Variants in GRID2 observed in about 807,000 individuals in gnomAD.
GRID2 encodes the protein glutamate receptor ionotropic, delta-2.
A neutral mutation model predicts 114.8 loss-of-function variants in GRID2; 33 were observed. The observed-to-expected ratio is 0.29, with a 90% CI of 0.22 to 0.38. GRID2 has a LOEUF of 0.38. GRID2 is among the 10% of genes least tolerant of loss of function. The pLI, the probability that GRID2 is intolerant of heterozygous loss-of-function variation, is 1.00. For synonymous variants in GRID2, 505 were observed against 449.9 expected (o/e 1.12, Z -1.55); for missense variants, 1,184 against 1,257.7 (o/e 0.94, Z 0.89).
At chr4:93,063,955 G>A (rs1369244240) in intron 2 of GRID2, among the ~76,000 whole-genome samples, 3 of 150,934 alleles carry the variant, frequency 2.0e-5, no homozygotes, top group Non-Finnish European at 4.4e-5. Flanking sequence ...TTTTCTCAAT[G>A]TCCCACAATA....
chr4:93,046,146 A>C (rs1726113514), intron 2 of GRID2, among the ~76,000 whole-genome samples: 2 of 152,120 alleles, frequency 1.3e-5, no homozygotes. Context: ...CAGGAACTTT[A>C]TATCCATAAA....
chr4:92,629,298 T>C (rs1406315168), intron 2 of GRID2, among the ~76,000 whole-genome samples: 2 of 152,054 alleles, frequency 1.3e-5, no homozygotes, highest in Non-Finnish European at 2.9e-5. Context: ...CTTAATAAGG[T>C]CTATTATTTT....
rs897951085 is a variant in GRID2 at position 93,251,373 on chromosome 4, T to C, written c.1245+12883T>C. 3.5e-4 allele frequency among the ~76,000 whole-genome samples: 53 copies of C among 152,252 alleles called. No homozygotes were observed. In the South Asian group the frequency reaches 4.6e-3, roughly 13 times the overall value. Reference sequence around the variant, plus strand: ...ATTTTTGAAGCTCTATTTTTTTAAATGGCAAAAATTGATTTATTTCCAGAT... The same window carrying C: ...ATTTTTGAAGCTCTATTTTTTTAAACGGCAAAAATTGATTTATTTCCAGAT... On this transcript the variant is annotated intron_variant, in intron 8 of 15. Coordinates refer to ENST00000282020, the MANE Select transcript of GRID2 (RefSeq NM_001510.4).
chr4:92,836,282 A>G (rs1742454262), intron 2 of GRID2, among the ~76,000 whole-genome samples: 1 of 152,132 alleles, frequency 6.6e-6, no homozygotes, highest in Non-Finnish European at 1.5e-5. Flanking sequence ...GCACAGTGGA[A>G]ACTAAAGCTG....
chr4:93,400,417 A>G (rs775563868), intron 9 of GRID2, among the ~76,000 whole-genome samples: 5 of 152,106 alleles, frequency 3.3e-5, no homozygotes, highest in African/African-American at 4.8e-5. Context: ...TTTACTTCTT[A>G]CCAAGTGGTC....
At chr4:92,820,533 G>T (rs1741211564) in intron 2 of GRID2, among the ~76,000 whole-genome samples, 1 of 152,090 alleles carries the variant, frequency 6.6e-6, no homozygotes, top group Admixed American at 6.6e-5. Context: ...TGCAACCTCT[G>T]GTTTGCTTAT....
chr4:93,380,729 T>A (rs891418133), intron 8 of GRID2, among the ~76,000 whole-genome samples: 2 of 152,028 alleles, frequency 1.3e-5, no homozygotes, highest in Non-Finnish European at 2.9e-5. Flanking sequence ...AGGCTACCAT[T>A]GACTGTTCAT....
chr4:93,778,243 C>T (rs1334252029), downstream of GRID2, among the ~76,000 whole-genome samples: 2 of 152,042 alleles, frequency 1.3e-5, no homozygotes, highest in Non-Finnish European at 2.9e-5. Flanking sequence ...TAATTCCTTT[C>T]CAAAATTAGG....
At chr4:92,992,180 G>T (rs1343051555) in intron 2 of GRID2, among the ~76,000 whole-genome samples, 2 of 152,090 alleles carry the variant, frequency 1.3e-5, no homozygotes, top group Non-Finnish European at 2.9e-5. Flanking sequence ...TATCTCAGAG[G>T]ATGAGCCATT....
intron 4 of GRID2, among the ~76,000 whole-genome samples, chr4:93,111,234 G>T (rs1732734133): frequency 6.6e-6 from 1 of 152,164 alleles, no homozygotes; most frequent in Non-Finnish European, 1.5e-5. Context: ...TGACCTGAAT[G>T]AATCTGGCAA....
intron 13 of GRID2, 110 bp downstream of exon 13, chr4:93,515,521 T>G (rs781773315): frequency 8.6e-6 from 6 of 701,176 alleles, no homozygotes; most frequent in Non-Finnish European, 1.4e-5. Flanking sequence ...TTATCTTTAA[T>G]GCTGACGGCA....
chr4:92,449,699 A>AAG (rs1720796212), intron 1 of GRID2, among the ~76,000 whole-genome samples: 3 of 142,784 alleles, frequency 2.1e-5, no homozygotes, highest in African/African-American at 7.8e-5. Flanking sequence ...ATATATATAT[A>AAG]TATATATATA....
At chr4:93,357,330 TATTA>T (rs1434590121) in intron 8 of GRID2, among the ~76,000 whole-genome samples, 4 of 151,408 alleles carry the variant, frequency 2.6e-5, no homozygotes, top group South Asian at 2.1e-4. Flanking sequence ...ATATTTTTCT[TATTA>T]ATTCAAGAGG....
intron 2 of GRID2, among the ~76,000 whole-genome samples, chr4:93,083,980 G>A (rs1466853450): frequency 6.6e-6 from 1 of 151,896 alleles, no homozygotes; most frequent in Non-Finnish European, 1.5e-5. Flanking sequence ...TTTCCTTTAA[G>A]TTTTTAAAGA....
intron 5 of GRID2, among the ~76,000 whole-genome samples, chr4:93,210,134 T>C (rs1209011840): frequency 6.6e-6 from 1 of 152,162 alleles, no homozygotes; most frequent in Non-Finnish European, 1.5e-5. Flanking sequence ...TTGCTTTTGT[T>C]GCAATTGCTT....
intron 1 of GRID2, among the ~76,000 whole-genome samples, chr4:92,384,572 TATAAAATATATTA>T (rs1729814402): frequency 1.4e-5 from 1 of 72,348 alleles, no homozygotes; most frequent in African/African-American, 7.2e-5. Context: ...TAATATAATA[TATAAAATATATTA>T]TATTATATAT....
At chr4:92,718,852 A>G (rs1419669833) in intron 2 of GRID2, among the ~76,000 whole-genome samples, 4 of 150,724 alleles carry the variant, frequency 2.7e-5, no homozygotes, top group African/African-American at 7.3e-5. Context: ...ATTATTTATT[A>G]TCTTCTGAAC....
At chr4:93,574,003 A>G (rs1736172012) in intron 13 of GRID2, among the ~76,000 whole-genome samples, 1 of 152,172 alleles carries the variant, frequency 6.6e-6, no homozygotes, top group South Asian at 2.1e-4. Context: ...AAGGGTAGAT[A>G]CTCAATAAGG....
Position 92,505,484 on chromosome 4 carries a change from A to G in GRID2, c.89-84647A>G, listed in dbSNP as rs149219203. ...CACCTGTTCTTATTCTTAAGCATGC[A>G]CAGCATAGTGATAAAATTTTGCACA... On this transcript the variant is annotated intron_variant, in intron 1 of 15. Transcript: ENST00000282020. Among the ~76,000 whole-genome samples the G allele has an allele frequency of 1.6e-3, 244 of 152,096 alleles. 2 individuals are homozygous for G. The Middle Eastern group carries it at 0.02, about 13-fold the overall frequency.
Sources: gnomAD v4.1 joint callset for allele counts (sites outside exome capture counted in the v4.1 genomes callset) on GRCh38, gnomAD v4.1.1 for gene constraint, MANE v1.5 for transcripts, NCBI Gene and HGNC (gene_info 2026-07-23, HGNC 2026-07-21) for gene names.